SLC30A8: variants seen among roughly 807,000 people sequenced by gnomAD.
The protein encoded by SLC30A8 is solute carrier family 30 member 8.
SLC30A8 carries 27 observed loss-of-function variants against 36.9 expected under a neutral mutation model. The ratio of observed to expected loss-of-function variants is 0.73; its 90% CI spans 0.54 to 1.01. The LOEUF (loss-of-function observed/expected upper bound fraction) is 1.01, where lower values mean the gene tolerates loss of function less well. Among genes scored for constraint, SLC30A8 ranks in the 50% least tolerant of loss-of-function variants. The pLI is 0.00. For missense variants in SLC30A8, 439 were observed against 452.0 expected, an observed-to-expected ratio of 0.97 and a Z score of 0.26; for synonymous variants, 164 against 172.4, an observed-to-expected ratio of 0.95 and a Z score of 0.38.
chr8:116,993,064 A>C (rs558141670), intron 1 of SLC30A8, among the ~76,000 whole-genome samples: 1 of 152,236 alleles, frequency 6.6e-6, no homozygotes, highest in South Asian at 2.1e-4. Flanking sequence ...TTAGTGGGGG[A>C]AAATCTGTCA....
At chr8:116,986,935 A>G (rs1224561396) in intron 1 of SLC30A8, among the ~76,000 whole-genome samples, 1 of 152,174 alleles carries the variant, frequency 6.6e-6, no homozygotes, top group African/African-American at 2.4e-5. Context: ...CTAAGAAGAA[A>G]TGTAAATGTA....
chr8:116,998,015 A>G (rs1400556584), intron 1 of SLC30A8, among the ~76,000 whole-genome samples: 1 of 152,226 alleles, frequency 6.6e-6, no homozygotes, highest in Non-Finnish European at 1.5e-5. Context: ...AAGACTTGCC[A>G]GAATTCAGAA....
At chr8:117,016,868 T>C (rs2130715096) in intron 1 of SLC30A8, among the ~76,000 whole-genome samples, 1 of 152,290 alleles carries the variant, frequency 6.6e-6, no homozygotes, top group East Asian at 1.9e-4. Context: ...ATTCACATTT[T>C]AAACAGATTT....
At chr8:117,002,857 C>A (rs1420775561) in intron 1 of SLC30A8, among the ~76,000 whole-genome samples, 1 of 152,158 alleles carries the variant, frequency 6.6e-6, no homozygotes, top group Admixed American at 6.5e-5. Context: ...CCTGCCTCGG[C>A]CTCCCAAAGT....
At chr8:117,071,633 C>T in intron 2 of SLC30A8, among the ~76,000 whole-genome samples, 1 of 152,066 alleles carries the variant, frequency 6.6e-6, no homozygotes, top group East Asian at 1.9e-4. Context: ...TCAACCCATG[C>T]CATGGAGCTT....
chr8:117,022,811 G>A (rs1816744448), intron 1 of SLC30A8, among the ~76,000 whole-genome samples: 1 of 152,134 alleles, frequency 6.6e-6, no homozygotes, highest in Non-Finnish European at 1.5e-5. Context: ...CAGGACATAG[G>A]CATGGGCAAG....
intron 2 of SLC30A8, among the ~76,000 whole-genome samples, chr8:117,106,295 T>C (rs908238850): frequency 2.6e-5 from 4 of 152,184 alleles, no homozygotes; most frequent in African/African-American, 9.7e-5. Flanking sequence ...TAGGTTTACA[T>C]TTAAATGTCT....
intron 1 of SLC30A8, among the ~76,000 whole-genome samples, chr8:117,141,274 T>C (rs1243458801): frequency 6.6e-6 from 1 of 152,126 alleles, no homozygotes; most frequent in Admixed American, 6.6e-5. Context: ...GCAGTAATCC[T>C]TGAAAAGACT....
intron 6 of SLC30A8, among the ~76,000 whole-genome samples, chr8:117,169,627 C>T (rs1030296125): frequency 2.6e-5 from 4 of 152,142 alleles, no homozygotes; most frequent in South Asian, 4.2e-4. Flanking sequence ...GGTTAATTGG[C>T]TCATGGTTCT....
At chr8:117,139,249 G>C (rs937373061) in intron 1 of SLC30A8, among the ~76,000 whole-genome samples, 1 of 152,066 alleles carries the variant, frequency 6.6e-6, no homozygotes, top group Non-Finnish European at 1.5e-5. Context: ...TTTGGAGATA[G>C]GGCCTCTAAG....
intron 4 of SLC30A8, among the ~76,000 whole-genome samples, chr8:117,158,896 T>C (rs921265310): frequency 3.3e-5 from 5 of 152,238 alleles, no homozygotes; most frequent in African/African-American, 4.8e-5. Context: ...TGTTAAATCA[T>C]ATGGCAAAAG....
At chr8:117,012,629 A>AG (rs1220415535) in intron 1 of SLC30A8, among the ~76,000 whole-genome samples, 1 of 151,238 alleles carries the variant, frequency 6.6e-6, no homozygotes, top group Non-Finnish European at 1.5e-5. Context: ...GAGTTCCTGG[A>AG]GCCAATCCCC....
rs1342986363 is a variant in SLC30A8 at position 117,163,787 on chromosome 8, G to A, written c.829+257G>A. Among the ~76,000 whole-genome samples, 7 of 151,916 alleles carry A rather than the reference G, an allele frequency of 4.6e-5. No individual in the cohort carries two copies. In the East Asian group the frequency reaches 1.2e-3, roughly 25 times the overall value. Reference sequence around the variant, plus strand: ...AAAACAGTAAGTATAAACACCATGCGGAGATACTACAAAAATATAAATATA... The same window carrying A: ...AAAACAGTAAGTATAAACACCATGCAGAGATACTACAAAAATATAAATATA... On this transcript the variant is annotated intron_variant, in intron 6 of 7. Coordinates refer to ENST00000456015, the MANE Select transcript of SLC30A8 (RefSeq NM_173851.3).
chr8:117,020,487 A>G (rs1160559075), intron 1 of SLC30A8, among the ~76,000 whole-genome samples: 1 of 152,200 alleles, frequency 6.6e-6, no homozygotes, highest in Non-Finnish European at 1.5e-5. Context: ...AAAGTTAAAC[A>G]TATACATAGT....
rs763678529 is a variant in SLC30A8 at position 117,081,582 on chromosome 8, A to G, written c.-226+42324A>G. ...AACATATGAATTTTGGAGGACTGCA[A>G]TTCAGTCCCTAATAAAGGGATATAG... is the stretch of plus-strand genomic sequence containing the variant. On this transcript the variant is annotated intron_variant, in intron 2 of 10. Transcript: ENST00000427715. Among the ~76,000 whole-genome samples, 3 of 152,168 alleles carry G rather than the reference A, an allele frequency of 2.0e-5. No individual in the cohort carries two copies. In the South Asian group the frequency reaches 6.2e-4, roughly 32 times the overall value.
intron 1 of SLC30A8, among the ~76,000 whole-genome samples, chr8:117,026,293 G>C (rs1359178088): frequency 6.6e-6 from 1 of 152,146 alleles, no homozygotes; most frequent in Non-Finnish European, 1.5e-5. Flanking sequence ...TAGGGTGACA[G>C]ATAAAGATAA....
In SLC30A8 at chr8:116,959,558, A is replaced by G. The variant is rs556785184; in HGVS notation, c.-266+8439A>G. On this transcript the variant is annotated intron_variant, in intron 1 of 10. Transcript: ENST00000427715. ...GTGTGCCAGATATTTTTGTGTTCCT[A>G]TAAATATTCTTGCAGTTTTTTTTCT... is the stretch of plus-strand genomic sequence containing the variant. Among the ~76,000 whole-genome samples, 7 of 152,230 alleles carry G rather than the reference A, an allele frequency of 4.6e-5. No individual in the cohort carries two copies. The East Asian group carries it at 1.2e-3, about 25-fold the overall frequency.
chr8:117,092,412 GAAA>G (rs1052434561), intron 2 of SLC30A8, among the ~76,000 whole-genome samples: 2 of 144,282 alleles, frequency 1.4e-5, no homozygotes, highest in African/African-American at 5.1e-5. Context: ...GACATGGAAG[GAAA>G]AAAAAAAACC....
chr8:117,147,095 G>A lies in SLC30A8; in HGVS notation c.213G>A (p.Lys71=), dbSNP rs1282681389. ...EKGANEYAYA[K]WKLCSASAIC... ...GGGCGAATGAGTACGCCTATGCCAA[G>A]TGGAAACTCTGTTCTGCTTCAGCAA... Residue 71 remains lysine, a synonymous_variant, in exon 2 of 8, where the codon AAG becomes AAA. Transcript: ENST00000456015. 6.2e-7 allele frequency: 1 copy of A among 1,614,188 alleles called. No homozygotes were observed. The highest frequency in any genetic ancestry group is 8.5e-7 in the Non-Finnish European group (1 of 1,180,016).
Sources: gnomAD v4.1 joint callset for allele counts (sites outside exome capture counted in the v4.1 genomes callset) on GRCh38, gnomAD v4.1.1 for gene constraint, MANE v1.5 for transcripts, NCBI Gene and HGNC (gene_info 2026-07-23, HGNC 2026-07-21) for gene names.